Variants in DMD observed in about 807,000 individuals in gnomAD.
DMD encodes mutant dystrophin.
DMD carries 63 observed loss-of-function variants against 330.1 expected under a neutral mutation model. The observed-to-expected ratio is 0.19, with a 90% CI of 0.16 to 0.24. The LOEUF is 0.24. DMD is among the 10% of genes least tolerant of loss of function. The pLI is 1.00. For synonymous variants in DMD, 1,223 were observed against 959.8 expected, an observed-to-expected ratio of 1.27 and a Z score of -5.07; for missense variants, 3,344 against 2,684.1, an observed-to-expected ratio of 1.25 and a Z score of -5.43.
intron 17 of DMD, among the ~76,000 whole-genome samples, chrX:32,520,490 G>A (rs1199991245): frequency 1.8e-5 from 2 of 111,669 alleles, no homozygotes; most frequent in Non-Finnish European, 3.8e-5. Flanking sequence ...GAGAAGGAGT[G>A]CTGGAATGTT....
chrX:32,364,659 T>C lies in DMD; in HGVS notation c.5077A>G (p.Lys1693Glu). The part of the protein sequence containing the change: ...TFDQNVDHIT[K>E]WIIQADTLLD... Reference sequence around the variant, plus strand: ...AGTGTGTCAGCCTGAATGATCCACTTTGTGATGTGGTCCACATTCTGGTCA... The same window carrying C: ...AGTGTGTCAGCCTGAATGATCCACTCTGTGATGTGGTCCACATTCTGGTCA... Residue 1693 changes from lysine (K) to glutamate (E), a missense_variant, in exon 36 of 79, where the codon AAG becomes GAG. Transcript: ENST00000357033. The C allele has an allele frequency of 8.3e-7, 1 of 1,210,050 alleles. No individual in the cohort carries two copies. Among genetic ancestry groups the C allele is most frequent in the South Asian group, 1.8e-5 (1 of 56,974 alleles).
Position 31,714,016 on chromosome X carries a change from C to T in DMD, c.7660+15615G>A, listed in dbSNP as rs777668105. 7.2e-5 allele frequency among the ~76,000 whole-genome samples: 8 copies of T among 111,503 alleles called. No homozygotes were observed. The South Asian group carries it at 3.0e-3, about 42-fold the overall frequency. On this transcript the variant is annotated intron_variant, in intron 52 of 78. Transcript: ENST00000357033. ...GTTGATTTCTTTGTGTAAATTAGAT[C>T]CTTACTAAATATTTGCAGACTTACA...
intron 9 of DMD, among the ~76,000 whole-genome samples, chrX:32,694,127 C>T (rs1257367501): frequency 9.0e-6 from 1 of 111,627 alleles, no homozygotes; most frequent in Non-Finnish European, 1.9e-5. Flanking sequence ...CAGAATGCCA[C>T]ATCTATCTTC....
intron 44 of DMD, among the ~76,000 whole-genome samples, chrX:32,191,167 G>A (rs1192089738): frequency 9.0e-6 from 1 of 111,463 alleles, no homozygotes; most frequent in Non-Finnish European, 1.9e-5. Flanking sequence ...ATGGCTTTTT[G>A]TTGAGTCAAA....
At chrX:32,866,726 G>C (rs867867910) in intron 2 of DMD, among the ~76,000 whole-genome samples, 1 of 35,493 alleles carries the variant, frequency 2.8e-5, no homozygotes, top group Non-Finnish European at 5.1e-5. Context: ...CTTTTTTTTG[G>C]GGGGGGGTGG....
intron 16 of DMD, among the ~76,000 whole-genome samples, chrX:32,563,992 T>A (rs758863949): frequency 1.2e-4 from 13 of 111,961 alleles, no homozygotes; most frequent in African/African-American, 4.2e-4. Context: ...TAGTCTTATT[T>A]ACTGCTCATC....
rs10692022 is a variant in DMD at position 32,429,387 on chromosome X, G to GTT, written c.4071+8852_4071+8853dup. ...ACCAAGCCTGGATACTTTTTTTTGG[G>GTT]TTTTTTTTTTTTTTTTTTTTTTTTG... On this transcript the variant is annotated intron_variant, in intron 29 of 78. Coordinates refer to ENST00000357033, the MANE Select transcript of DMD (RefSeq NM_004006.3). Among the ~76,000 whole-genome samples the GTT allele has an allele frequency of 8.9e-3, 394 of 44,139 alleles. 31 individuals carry two copies. The highest frequency in any genetic ancestry group is 0.038 in the African/African-American group (344 of 8,995). 38.3% of individuals were successfully genotyped at this position (44,139 alleles called of 115,157 possible).
chrX:31,809,299 T>G, intron 50 of DMD, among the ~76,000 whole-genome samples: 1 of 108,135 alleles, frequency 9.2e-6, no homozygotes, highest in Non-Finnish European at 1.9e-5. Flanking sequence ...ATATATAAAC[T>G]ATATACAGTT....
intron 1 of DMD, among the ~76,000 whole-genome samples, chrX:33,244,444 A>G (rs1486098261): frequency 8.9e-6 from 1 of 112,171 alleles, no homozygotes; most frequent in East Asian, 2.8e-4. Flanking sequence ...TAAGGATGGT[A>G]TCAGGTTAGC....
intron 57 of DMD, among the ~76,000 whole-genome samples, chrX:31,485,725 T>C (rs755921071): frequency 3.6e-5 from 4 of 111,880 alleles, no homozygotes; most frequent in Non-Finnish European, 7.5e-5. Context: ...ATCATATTAC[T>C]ATGGATGTGA....
chrX:33,210,550 C>A (rs966602734), intron 1 of DMD, among the ~76,000 whole-genome samples: 1 of 111,084 alleles, frequency 9.0e-6, no homozygotes, highest in African/African-American at 3.3e-5. Flanking sequence ...AGACATGAAA[C>A]AACAAGGTGA....
chrX:32,792,591 G>A (rs2075901176), intron 7 of DMD, among the ~76,000 whole-genome samples: 1 of 111,756 alleles, frequency 8.9e-6, no homozygotes. Context: ...CACCTGTAAA[G>A]ACACATATAG....
intron 50 of DMD, among the ~76,000 whole-genome samples, chrX:31,785,912 C>A (rs1020805212): frequency 4.5e-5 from 5 of 111,877 alleles, no homozygotes; most frequent in African/African-American, 1.6e-4. Flanking sequence ...AACAAACGTA[C>A]GTGTGCATGT....
At chrX:31,858,675 T>C (rs907619240) in intron 48 of DMD, among the ~76,000 whole-genome samples, 7 of 111,203 alleles carry the variant, frequency 6.3e-5, no homozygotes, top group African/African-American at 2.3e-4. Context: ...ATTATAGTTA[T>C]AATGGCATAT....
At chrX:31,388,158 C>T (rs1011526813) in intron 60 of DMD, among the ~76,000 whole-genome samples, 1 of 108,844 alleles carries the variant, frequency 9.2e-6, no homozygotes, top group African/African-American at 3.3e-5. Flanking sequence ...CACCACCAAG[C>T]CCGGCTAATT....
intron 1 of DMD, among the ~76,000 whole-genome samples, chrX:33,070,673 C>CTCTCTCTCTCTCTCTCTCTCTA (rs1192910156): frequency 8.4e-5 from 3 of 35,640 alleles, no homozygotes; most frequent in Non-Finnish European, 8.9e-5. Context: ...CTCTCTCTCT[C>CTCTCTCTCTCTCTCTCTCTCTA]TATATATATA....
intron 74 of DMD, among the ~76,000 whole-genome samples, chrX:31,153,135 A>T (rs1465946728): frequency 8.9e-6 from 1 of 111,791 alleles, no homozygotes; most frequent in Non-Finnish European, 1.9e-5. Flanking sequence ...ATACAGAGAT[A>T]TCACTCATTT....
rs143405993 is a variant in DMD, at chrX:32,155,232, C to T, written c.6438+61684G>A. 3.7e-4 allele frequency: 54 copies of T among 147,148 alleles called. No individual in the cohort carries two copies. In the East Asian group the frequency reaches 0.013, roughly 35 times the overall value. The allele number at this position is 147,148 out of a possible 1,213,427, so 12.1% of individuals were successfully genotyped here. On this transcript the variant is annotated intron_variant, in intron 44 of 78. Coordinates refer to ENST00000357033, the MANE Select transcript of DMD (RefSeq NM_004006.3). Reference sequence around the variant, plus strand: ...AGCATTCCAAGTACCAAAGCATCTCCTCCCACCCACTGCTCACACGCTCCT... The same window carrying T: ...AGCATTCCAAGTACCAAAGCATCTCTTCCCACCCACTGCTCACACGCTCCT...
intron 43 of DMD, among the ~76,000 whole-genome samples, chrX:32,235,676 A>G (rs2097185143): frequency 9.0e-6 from 1 of 111,676 alleles, no homozygotes; most frequent in Admixed American, 9.5e-5. Flanking sequence ...TTTTTCTAAC[A>G]TGACAACTGT....
Sources: allele counts gnomAD v4.1 joint callset (sites outside exome capture counted in the v4.1 genomes callset), GRCh38; gene constraint gnomAD v4.1.1; transcripts MANE v1.5; gene names NCBI Gene and HGNC (gene_info 2026-07-23, HGNC 2026-07-21).